The following UVRAG variants were observed in gnomAD, a reference collection of about 807,000 sequenced individuals.
UVRAG encodes the protein UV radiation resistance associated, also known as UV radiation resistance-associated gene protein.
In UVRAG, 19 loss-of-function variants were observed where a neutral mutation model predicts 78.0. The observed-to-expected ratio is 0.24, with a 90% CI of 0.17 to 0.36. The LOEUF is 0.36. Among genes scored for constraint, UVRAG ranks in the 10% least tolerant of loss-of-function variants. UVRAG has a pLI of 1.00. For missense variants in UVRAG, 740 were observed against 853.8 expected (o/e 0.87, Z 1.66); for synonymous variants, 323 against 324.6 (o/e 1.00, Z 0.05).
intron 12 of UVRAG, among the ~76,000 whole-genome samples, chr11:76,026,257 C>G (rs1227703110): frequency 6.6e-6 from 1 of 152,124 alleles, no homozygotes; most frequent in East Asian, 1.9e-4. Context: ...TTCCAGAACT[C>G]TAGTTTTCAG....
chr11:75,894,710 T>C (rs1947302071), intron 5 of UVRAG, among the ~76,000 whole-genome samples: 1 of 148,738 alleles, frequency 6.7e-6, no homozygotes, highest in Non-Finnish European at 1.5e-5. Flanking sequence ...GACTGTATAA[T>C]CCTAGCACTT....
At chr11:76,074,861 C>CAT (rs2134398651) in intron 13 of UVRAG, among the ~76,000 whole-genome samples, 1 of 152,306 alleles carries the variant, frequency 6.6e-6, no homozygotes, top group South Asian at 2.1e-4. Flanking sequence ...CTGGGGATTT[C>CAT]ATGACTCCCT....
chr11:76,125,818 A>G (rs1393702331), intron 14 of UVRAG, among the ~76,000 whole-genome samples: 1 of 152,244 alleles, frequency 6.6e-6, no homozygotes, highest in African/African-American at 2.4e-5. Context: ...TTCAGGCACA[A>G]AAAAATCACT....
chr11:75,851,991 A>G lies in UVRAG; in HGVS notation c.226A>G (p.Ile76Val), dbSNP rs759921765. The G allele has an allele frequency of 4.4e-6, 7 of 1,600,700 alleles. No homozygotes were observed. Among genetic ancestry groups the G allele is most frequent in the Non-Finnish European group, 6.0e-6 (7 of 1,172,956 alleles). Residue 76 changes from isoleucine (I) to valine (V), a missense_variant, in exon 2 of 15, where the codon ATA becomes GTA. By Grantham distance (29) the Ile-to-Val change is conservative. Transcript: ENST00000356136. ...FTLHLCSTEK[I>V]YKEFYRSEVI... Reference sequence around the variant, plus strand: ...ACTTCACTTGTGTAGTACTGAAAAGATATATAAAGGTAAGGGGATCTGTGG... The same window carrying G: ...ACTTCACTTGTGTAGTACTGAAAAGGTATATAAAGGTAAGGGGATCTGTGG...
intron 5 of UVRAG, among the ~76,000 whole-genome samples, chr11:75,897,833 T>A (rs1947377763): frequency 6.7e-6 from 1 of 148,604 alleles, no homozygotes; most frequent in African/African-American, 2.5e-5. Flanking sequence ...AATTTATTTA[T>A]CTCTATATAT....
intron 13 of UVRAG, among the ~76,000 whole-genome samples, chr11:76,076,577 A>C (rs930256100): frequency 6.6e-6 from 1 of 152,158 alleles, no homozygotes; most frequent in African/African-American, 2.4e-5. Context: ...TTGGGTGGGG[A>C]CACAGCCAAA....
chr11:75,839,983 C>T (rs1945875127), intron 1 of UVRAG, among the ~76,000 whole-genome samples: 1 of 152,082 alleles, frequency 6.6e-6, no homozygotes, highest in Non-Finnish European at 1.5e-5. Flanking sequence ...ATGCCTACCT[C>T]CTTGTCCTCC....
chr11:76,105,419 C>A (rs1408711097), intron 13 of UVRAG, among the ~76,000 whole-genome samples: 1 of 151,604 alleles, frequency 6.6e-6, no homozygotes, highest in Non-Finnish European at 1.5e-5. Flanking sequence ...AAATAAAAAG[C>A]TCAATATTAT....
intron 12 of UVRAG, among the ~76,000 whole-genome samples, chr11:76,024,597 A>T (rs1255528514): frequency 2.0e-5 from 3 of 152,216 alleles, no homozygotes; most frequent in Non-Finnish European, 4.4e-5. Context: ...TCTTAGTGTT[A>T]CATAAGTTAA....
chr11:75,911,849 C>T, intron 5 of UVRAG, 105 bp from the exon 6 acceptor site: 2 of 725,426 alleles, frequency 2.8e-6, no homozygotes, highest in Non-Finnish European at 4.5e-6. Context: ...TTTAGATTTA[C>T]TCAGTTGTTA....
chr11:76,094,919 T>G lies in UVRAG; in HGVS notation c.1306-21005T>G, dbSNP rs188458731. ...CATCATTCTATTTAGGTCTTTCCTC[T>G]TCAGCTTGTCAAGGATGTTCCAGTC... On this transcript the variant is annotated intron_variant, in intron 13 of 14. Transcript: ENST00000356136. Among the ~76,000 whole-genome samples the G allele has an allele frequency of 1.2e-3, 182 of 152,292 alleles. 3 individuals are homozygous for G. The highest frequency in any genetic ancestry group is 4.3e-3 in the African/African-American group (177 of 41,554).
intron 14 of UVRAG, among the ~76,000 whole-genome samples, chr11:76,117,321 A>G: frequency 6.6e-6 from 1 of 152,240 alleles, no homozygotes; most frequent in Non-Finnish European, 1.5e-5. Context: ...CAGTACAGAT[A>G]GCAGATTGTC....
At chr11:76,025,024 C>T (rs1329644698) in intron 12 of UVRAG, among the ~76,000 whole-genome samples, 3 of 152,152 alleles carry the variant, frequency 2.0e-5, no homozygotes, top group African/African-American at 7.2e-5. Context: ...GTTCAAAGCT[C>T]TATTTAGCCA....
chr11:75,888,910 A>G lies in UVRAG; in HGVS notation c.507+7A>G. 1 of 1,611,710 alleles carries G rather than the reference A, an allele frequency of 6.2e-7. No individual in the cohort carries two copies. The highest frequency in any genetic ancestry group is 8.5e-7 in the Non-Finnish European group (1 of 1,178,692). ...TGCTCCATTTGAACATAAGGTAAGA[A>G]GATCCTTCTAATGTTATGAATTTTG... On this transcript the variant is annotated splice_region_variant and intron_variant, in intron 5 of 14. Transcript: ENST00000356136.
intron 3 of UVRAG, among the ~76,000 whole-genome samples, chr11:75,872,653 C>A (rs1312029112): frequency 6.6e-6 from 1 of 152,114 alleles, no homozygotes; most frequent in East Asian, 1.9e-4. Flanking sequence ...TCCCAAAGTG[C>A]TGGGATTACA....
At chr11:76,025,171 C>T (rs1178939160) in intron 12 of UVRAG, among the ~76,000 whole-genome samples, 3 of 152,140 alleles carry the variant, frequency 2.0e-5, no homozygotes, top group Admixed American at 6.6e-5. Context: ...ATCTTTGCTG[C>T]GTTTCACTGT....
intron 4 of UVRAG, among the ~76,000 whole-genome samples, chr11:75,886,738 T>C (rs1027650166): frequency 3.3e-5 from 5 of 152,246 alleles, no homozygotes; most frequent in Non-Finnish European, 7.3e-5. Context: ...AATCTTCTGC[T>C]GCTGGCTTTG....
At position 75,920,008 on chromosome 11, in the gene UVRAG, G is replaced by GTTTTTT. The variant is rs140217190; in HGVS notation, c.593+7999_593+8004dup. Among the ~76,000 whole-genome samples the GTTTTTT allele has an allele frequency of 4.7e-3, 259 of 55,494 alleles. 36 individuals carry two copies. Among genetic ancestry groups the GTTTTTT allele is most frequent in the East Asian group, 0.013 (20 of 1,574 alleles). 36.4% of individuals were successfully genotyped at this position (55,494 alleles called of 152,430 possible). A position where few individuals can be genotyped will look rare whatever the true frequency, so the allele number is the denominator to read the frequency against. The stretch of plus-strand genomic sequence containing the variant: ...CAAAATTTAAAATAAAATAATTTTG[G>GTTTTTT]TTTTTTTTTTTTTTTTTTTTTTTTT... On this transcript the variant is annotated intron_variant, in intron 6 of 14. Coordinates refer to ENST00000356136, the MANE Select transcript of UVRAG (RefSeq NM_003369.4).
At chr11:75,923,879 A>G (rs1022392837) in intron 6 of UVRAG, among the ~76,000 whole-genome samples, 1 of 152,208 alleles carries the variant, frequency 6.6e-6, no homozygotes, top group Non-Finnish European at 1.5e-5. Context: ...AAGACCAGAA[A>G]CTACTCTAAT....
Sources: allele counts gnomAD v4.1 joint callset (sites outside exome capture counted in the v4.1 genomes callset), GRCh38; gene constraint gnomAD v4.1.1; transcripts MANE v1.5; gene names NCBI Gene and HGNC (gene_info 2026-07-23, HGNC 2026-07-21).